The following STK39 variants were observed in gnomAD, a reference collection of about 807,000 sequenced individuals.
STK39 encodes the protein serine/threonine kinase 39.
Under a neutral mutation model 77.8 loss-of-function variants are expected in STK39, and 20 were observed. The observed-to-expected ratio is 0.26, with a 90% confidence interval of 0.18 to 0.37. STK39 has a LOEUF of 0.37. STK39 is among the 10% of genes least tolerant of loss of function. The pLI, the probability that STK39 is intolerant of heterozygous loss-of-function variation, is 1.00. For missense variants in STK39, 479 were observed against 656.5 expected (o/e 0.73, Z 2.95); for synonymous variants, 246 against 234.1 (o/e 1.05, Z -0.47).
intron 5 of STK39, among the ~76,000 whole-genome samples, chr2:168,159,088 T>G (rs898233630): frequency 2.0e-5 from 3 of 152,182 alleles, no homozygotes; most frequent in Non-Finnish European, 4.4e-5. Context: ...AATCATTATG[T>G]TTTCTATTAG....
At chr2:168,120,868 T>C (rs1224143344) in intron 10 of STK39, among the ~76,000 whole-genome samples, 1 of 152,168 alleles carries the variant, frequency 6.6e-6, no homozygotes, top group Non-Finnish European at 1.5e-5. Flanking sequence ...CTCCCCAACA[T>C]AATCTCCAAA....
At chr2:168,112,772 T>C (rs1347651021) in intron 10 of STK39, 2 of 152,258 alleles carry the variant, frequency 1.3e-5, no homozygotes, top group Non-Finnish European at 2.9e-5. Context: ...ATGGCGCACA[T>C]AGAAAATGAT....
At chr2:168,215,205 T>C (rs1360246897) in intron 1 of STK39, among the ~76,000 whole-genome samples, 1 of 152,134 alleles carries the variant, frequency 6.6e-6, no homozygotes, top group East Asian at 1.9e-4. Flanking sequence ...ATAGCCAGAC[T>C]GCTCCCACAA....
chr2:168,122,604 T>C (rs1156960463), intron 10 of STK39, among the ~76,000 whole-genome samples: 2 of 151,978 alleles, frequency 1.3e-5, no homozygotes, highest in Non-Finnish European at 2.9e-5. Flanking sequence ...CATGCCCAGC[T>C]AAATTTTTTT....
At chr2:168,192,794 A>G (rs947845616) in intron 1 of STK39, among the ~76,000 whole-genome samples, 19 of 152,342 alleles carry the variant, frequency 1.2e-4, no homozygotes, top group African/African-American at 4.6e-4. Context: ...TAGTATCCAC[A>G]TGATTATCCC....
intron 10 of STK39, among the ~76,000 whole-genome samples, chr2:168,076,134 G>T (rs4667553): frequency 0.05 from 7,661 of 152,270 alleles, 489 homozygotes; most frequent in East Asian, 0.19. Flanking sequence ...CAACAGCCAT[G>T]GTCCAAGGAT....
At chr2:167,986,813 A>C (rs1683572158) in intron 16 of STK39, among the ~76,000 whole-genome samples, 1 of 152,146 alleles carries the variant, frequency 6.6e-6, no homozygotes, top group Non-Finnish European at 1.5e-5. Flanking sequence ...CATTTGTAGG[A>C]GGATGTGGAG....
At chr2:168,186,625 C>T (rs1023889637) in intron 1 of STK39, among the ~76,000 whole-genome samples, 11 of 152,204 alleles carry the variant, frequency 7.2e-5, no homozygotes, top group African/African-American at 2.2e-4. Context: ...GCTATCTAGA[C>T]TTCAGCTTCC....
chr2:168,160,852 G>A (rs747181506), intron 5 of STK39, among the ~76,000 whole-genome samples: 24 of 150,670 alleles, frequency 1.6e-4, no homozygotes, highest in Non-Finnish European at 1.8e-4. Context: ...CCACTCATGA[G>A]GACAAGATAT....
At chr2:168,198,635 G>T (rs1311706233) in intron 1 of STK39, among the ~76,000 whole-genome samples, 1 of 152,194 alleles carries the variant, frequency 6.6e-6, no homozygotes, top group Non-Finnish European at 1.5e-5. Flanking sequence ...ATCTGAATCT[G>T]ATCTAAACCA....
intron 1 of STK39, among the ~76,000 whole-genome samples, chr2:168,223,382 C>T (rs1690223725): frequency 6.6e-6 from 1 of 151,594 alleles, no homozygotes; most frequent in Admixed American, 6.6e-5. Flanking sequence ...TGTGGTGGCA[C>T]GTGACTGTAA....
chr2:168,234,931 T>C (rs575855585), intron 1 of STK39, among the ~76,000 whole-genome samples: 2 of 151,712 alleles, frequency 1.3e-5, no homozygotes, highest in Non-Finnish European at 2.9e-5. Context: ...GGCAGGAGAA[T>C]CACTTGAGAC....
chr2:168,168,661 G>C (rs1688747599), intron 2 of STK39, among the ~76,000 whole-genome samples: 1 of 152,172 alleles, frequency 6.6e-6, no homozygotes, highest in African/African-American at 2.4e-5. Flanking sequence ...TCTGTAATAT[G>C]TAACACTCAT....
chr2:168,232,032 TTACAATAATA>T, intron 1 of STK39: 1 of 246,600 alleles, frequency 4.1e-6, no homozygotes, highest in Non-Finnish European at 9.0e-6. Flanking sequence ...GGTGCACTCC[TTACAATAATA>T]GGCATCAGAG....
At chr2:168,023,876 C>G (rs1331698757) in intron 14 of STK39, among the ~76,000 whole-genome samples, 1 of 152,132 alleles carries the variant, frequency 6.6e-6, no homozygotes, top group Non-Finnish European at 1.5e-5. Context: ...CCCAGGGACC[C>G]AGGAGCAGCT....
intron 1 of STK39, among the ~76,000 whole-genome samples, chr2:168,231,247 G>A (rs559219533): frequency 5.5e-4 from 83 of 152,200 alleles, no homozygotes; most frequent in Non-Finnish European, 7.1e-4. Context: ...TATTTTAAAA[G>A]CAAATTAATG....
At chr2:168,126,216 C>A (rs1438375231) in intron 10 of STK39, among the ~76,000 whole-genome samples, 1 of 152,082 alleles carries the variant, frequency 6.6e-6, no homozygotes, top group Non-Finnish European at 1.5e-5. Flanking sequence ...AGACAAAAAT[C>A]AATGGATCAA....
chr2:168,209,610 G>A (rs758662578), intron 1 of STK39, among the ~76,000 whole-genome samples: 4 of 152,152 alleles, frequency 2.6e-5, no homozygotes, highest in Non-Finnish European at 5.9e-5. Flanking sequence ...AACCCAGGAG[G>A]CAGAGGTTGG....
intron 1 of STK39, among the ~76,000 whole-genome samples, chr2:168,237,565 G>C (rs2105273741): frequency 6.6e-6 from 1 of 152,260 alleles, no homozygotes; most frequent in Non-Finnish European, 1.5e-5. Context: ...CATTCAGTAT[G>C]ATATTGGCTG....
Sources: allele counts gnomAD v4.1 joint callset (sites outside exome capture counted in the v4.1 genomes callset), GRCh38; gene constraint gnomAD v4.1.1; transcripts MANE v1.5; gene names NCBI Gene and HGNC (gene_info 2026-07-23, HGNC 2026-07-21).